CHD2: variants seen among roughly 807,000 people sequenced by gnomAD.
CHD2 encodes chromodomain helicase DNA binding protein 2.
In CHD2, 28 loss-of-function variants were observed where a neutral mutation model predicts 243.9. The ratio of observed to expected loss-of-function variants is 0.11; its 90% CI spans 0.09 to 0.16. The LOEUF (loss-of-function observed/expected upper bound fraction) is 0.16, where lower values mean the gene tolerates loss of function less well. CHD2 is among the 10% of genes least tolerant of loss of function. The pLI is 1.00. For missense variants in CHD2, 1,386 were observed against 2,209.8 expected (o/e 0.63, Z 7.47); for synonymous variants, 775 against 779.0 (o/e 0.99, Z 0.09).
intron 2 of CHD2, among the ~76,000 whole-genome samples, chr15:92,922,215 C>T (rs545398016): frequency 6.6e-6 from 1 of 152,278 alleles, no homozygotes; most frequent in African/African-American, 2.4e-5. Context: ...TCACCCTCTT[C>T]CTCAATTTCT....
rs1205519134 is a variant in CHD2 at position 93,002,166 on chromosome 15, T to C, written c.4138-11T>C. Reference sequence around the variant, plus strand: ...TGTAGCAAAAATTCATAGCCCTGTTTTGTTTCCTAGGATGATGGCTTGGAA... The same window carrying C: ...TGTAGCAAAAATTCATAGCCCTGTTCTGTTTCCTAGGATGATGGCTTGGAA... On this transcript the variant is annotated splice_polypyrimidine_tract_variant and intron_variant, in intron 32 of 38. Transcript: ENST00000394196. 6.3e-7 allele frequency: 1 copy of C among 1,578,518 alleles called. No individual in the cohort carries two copies. The highest frequency in any genetic ancestry group is 2.2e-5 in the East Asian group (1 of 44,462).
intron 33 of CHD2, 168 bp from the exon 34 acceptor site, chr15:93,004,449 T>G (rs1345886382): frequency 1.9e-6 from 1 of 520,036 alleles, no homozygotes; most frequent in Non-Finnish European, 3.2e-6. Flanking sequence ...AAGCTGCTAA[T>G]CAGACAGGTT....
chr15:92,933,422 G>T (rs564117454), intron 5 of CHD2, among the ~76,000 whole-genome samples: 48 of 152,296 alleles, frequency 3.2e-4, no homozygotes, highest in Non-Finnish European at 5.6e-4. Context: ...TCTGGCCCCT[G>T]TGAGTATTTG....
intron 2 of CHD2, among the ~76,000 whole-genome samples, chr15:92,903,232 ATTAC>A (rs2052555418): frequency 6.6e-6 from 1 of 152,230 alleles, no homozygotes; most frequent in Non-Finnish European, 1.5e-5. Flanking sequence ...GTAGATTAAT[ATTAC>A]TTCTACTGAG....
intron 16 of CHD2, among the ~76,000 whole-genome samples, chr15:92,962,711 A>G (rs1369773189): frequency 1.3e-5 from 2 of 152,140 alleles, no homozygotes; most frequent in East Asian, 3.8e-4. Flanking sequence ...CTGCCAGTTT[A>G]GTTGTGCTTT....
At chr15:92,915,039 C>G (rs994838437) in intron 2 of CHD2, 1 of 152,104 alleles carries the variant, frequency 6.6e-6, no homozygotes, top group African/African-American at 2.4e-5. Context: ...ATGAGTGACT[C>G]TATTTTGGTT....
chr15:92,929,967 A>G (rs182650105), intron 5 of CHD2, among the ~76,000 whole-genome samples: 4 of 152,330 alleles, frequency 2.6e-5, no homozygotes, highest in Non-Finnish European at 4.4e-5. Flanking sequence ...ATTAGAAACT[A>G]TGCTAAGATT....
Position 93,009,104 on chromosome 15 carries a change from C to T in CHD2, c.4414-41C>T, listed in dbSNP as rs1387839130. On this transcript the variant is annotated intron_variant, in intron 34 of 38. Coordinates refer to ENST00000394196, the MANE Select transcript of CHD2 (RefSeq NM_001271.4). ...GTAAGCAAAGGACAAGACTTACTTTCTGCAGATTGTTTATGTCTTTACTCT... is the reference window on the plus strand; with the variant it reads ...GTAAGCAAAGGACAAGACTTACTTTTTGCAGATTGTTTATGTCTTTACTCT... The T allele has an allele frequency of 4.4e-6, 7 of 1,599,174 alleles. No individual in the cohort carries two copies. The Admixed American group carries it at 6.8e-5, about 15-fold the overall frequency.
At chr15:92,957,978 CAG>C (rs1394605922) in intron 16 of CHD2, among the ~76,000 whole-genome samples, 1 of 152,094 alleles carries the variant, frequency 6.6e-6, no homozygotes, top group African/African-American at 2.4e-5. Context: ...TCATTCATGT[CAG>C]AGTCTGTCAG....
At chr15:92,932,941 C>T (rs1408968503) in intron 5 of CHD2, among the ~76,000 whole-genome samples, 1 of 152,006 alleles carries the variant, frequency 6.6e-6, no homozygotes, top group Non-Finnish European at 1.5e-5. Flanking sequence ...TGGGGTTTCA[C>T]CATGTTGCCC....
chr15:92,989,469 T>G (rs557701849), intron 26 of CHD2, among the ~76,000 whole-genome samples: 10 of 152,232 alleles, frequency 6.6e-5, no homozygotes, highest in African/African-American at 2.2e-4. Context: ...TTTGCTTGTT[T>G]AGTGACTTTC....
At chr15:92,909,020 G>C (rs2052676747) in intron 2 of CHD2, among the ~76,000 whole-genome samples, 1 of 151,918 alleles carries the variant, frequency 6.6e-6, no homozygotes, top group South Asian at 2.1e-4. Flanking sequence ...TTGGGAGGCT[G>C]AGGCCGGACA....
intron 4 of CHD2, 29 bp downstream of exon 4, chr15:92,927,359 A>C (rs771670518): frequency 6.8e-7 from 1 of 1,463,944 alleles, no homozygotes; most frequent in Non-Finnish European, 9.6e-7. Flanking sequence ...AAGGGCATGC[A>C]TTTAAACTCC....
chr15:92,932,931 T>C (rs994982402), intron 5 of CHD2, among the ~76,000 whole-genome samples: 6 of 152,180 alleles, frequency 3.9e-5, no homozygotes, highest in Admixed American at 2.6e-4. Context: ...TTAATAGACA[T>C]GGGGTTTCAC....
intron 16 of CHD2, among the ~76,000 whole-genome samples, chr15:92,965,576 A>C (rs1373402096): frequency 2.6e-5 from 1 of 38,808 alleles, no homozygotes; most frequent in African/African-American, 4.3e-5. Flanking sequence ...AAAAAAAAAA[A>C]AAAAAAAAAA....
At chr15:93,015,350 A>C (rs2054445898) in intron 37 of CHD2, among the ~76,000 whole-genome samples, 1 of 152,200 alleles carries the variant, frequency 6.6e-6, no homozygotes, top group Non-Finnish European at 1.5e-5. Flanking sequence ...AAATGTTGGG[A>C]TTACAGGTGT....
At chr15:92,944,242 TG>T in intron 9 of CHD2, 172 bp from the exon 10 acceptor site, 1 of 456,946 alleles carries the variant, frequency 2.2e-6, no homozygotes. Context: ...GTGTTTTTTT[TG>T]TTTGTTTGTT....
At chr15:92,924,169 G>T in intron 2 of CHD2, 152 bp from the exon 3 acceptor site, 1 of 604,416 alleles carries the variant, frequency 1.7e-6, no homozygotes, top group South Asian at 2.0e-5. Flanking sequence ...AACGTTATTT[G>T]GAATGTAAAA....
rs1191596475 is a variant in CHD2 at position 93,024,650 on chromosome 15, G to C, written c.5432G>C (p.Arg1811Thr). ...CTGGATCATAGGTCTCCTTTGGAGA[G>C]ATCACTAGAACAGAAAAACAACCCA... ...SPLDHRSPLE[R>T]SLEQKNNPDY... is the part of the protein sequence containing the mutation. The change falls in exon 39 of 39, where the codon AGA (arginine) becomes ACA (threonine). Residue 1811 changes from arginine (R) to threonine (T), a missense_variant. By Grantham distance (71) the Arg-to-Thr change is moderately conservative. This residue lies in a region of CHD2 where 347 missense variants were observed against 341.6 expected (regional missense o/e 1.02). Transcript: ENST00000394196. 6.2e-7 allele frequency: 1 copy of C among 1,613,374 alleles called. No individual in the cohort carries two copies. The highest frequency in any genetic ancestry group is 8.5e-7 in the Non-Finnish European group (1 of 1,179,730).
Sources: gnomAD v4.1 joint callset for allele counts (sites outside exome capture counted in the v4.1 genomes callset) on GRCh38, gnomAD v4.1.1 for gene constraint, gnomAD v4.1.1 regional missense constraint, MANE v1.5 for transcripts, NCBI Gene and HGNC (gene_info 2026-07-23, HGNC 2026-07-21) for gene names.